Variants in IKZF3 observed in about 807,000 individuals in gnomAD.
IKZF3 encodes the protein zinc finger protein Aiolos.
A neutral mutation model predicts 49.0 loss-of-function variants in IKZF3; 10 were observed. That is an observed-to-expected ratio of 0.20 (90% CI 0.13 to 0.35). The LOEUF is 0.35. IKZF3 is among the 10% of genes least tolerant of loss of function. IKZF3 has a pLI of 1.00. For synonymous variants in IKZF3, 209 were observed against 228.2 expected, an observed-to-expected ratio of 0.92 and a Z score of 0.76; for missense variants, 498 against 664.8, an observed-to-expected ratio of 0.75 and a Z score of 2.76.
At chr17:39,825,475 C>A (rs559020935) in intron 3 of IKZF3, among the ~76,000 whole-genome samples, 1 of 152,236 alleles carries the variant, frequency 6.6e-6, no homozygotes, top group Admixed American at 6.5e-5. Flanking sequence ...CAAGGCAGGG[C>A]TGGGTAAACA....
At position 39,829,374 on chromosome 17, in the gene IKZF3, C is replaced by T. The variant is rs915176255; in HGVS notation, c.163+13G>A. 1.3e-6 allele frequency: 2 copies of T among 1,586,468 alleles called. No individual in the cohort carries two copies. The highest frequency in any genetic ancestry group is 8.7e-7 in the Non-Finnish European group (1 of 1,154,928). On this transcript the variant is annotated intron_variant, in intron 3 of 7. Coordinates refer to ENST00000346872, the MANE Select transcript of IKZF3 (RefSeq NM_012481.5). ...TACAGGCATCAGTGTTTAGTCTGCA[C>T]ACTACGGCTCACCTCCTATGTCTTC...
chr17:39,762,872 GC>G lies in IKZF3; in HGVS notation c.*2917del, dbSNP rs1471416091. On this transcript the variant is annotated 3_prime_UTR_variant, in exon 8 of 8. Coordinates refer to ENST00000346872, the MANE Select transcript of IKZF3 (RefSeq NM_012481.5). ...ACTGCACTCCAGCCTGGGCAACAGA[GC>G]GAGAGACTGTCTCAAAACAAAAGAA... is the stretch of plus-strand genomic sequence containing the variant. The G allele has an allele frequency of 6.6e-6, 1 of 152,306 alleles. No homozygotes were observed. Among genetic ancestry groups the G allele is most frequent in the East Asian group, 1.9e-4 (1 of 5,198 alleles). The allele number at this position is 152,306 out of a possible 1,614,324, so 9.4% of individuals were successfully genotyped here.
At chr17:39,818,044 C>T (rs2061716879) in intron 3 of IKZF3, among the ~76,000 whole-genome samples, 1 of 152,164 alleles carries the variant, frequency 6.6e-6, no homozygotes, top group African/African-American at 2.4e-5. Context: ...TGGCCTACTA[C>T]AAACCTCGGG....
At chr17:39,832,647 A>C (rs564812931) in intron 1 of IKZF3, among the ~76,000 whole-genome samples, 135 of 152,140 alleles carry the variant, frequency 8.9e-4, no homozygotes, top group African/African-American at 3.1e-3. Flanking sequence ...GACAAATATC[A>C]CATGTTCTCA....
At chr17:39,783,988 T>G (rs138147029) in intron 6 of IKZF3, among the ~76,000 whole-genome samples, 1 of 152,226 alleles carries the variant, frequency 6.6e-6, no homozygotes, top group East Asian at 1.9e-4. Flanking sequence ...ACTTAAAAAT[T>G]TTTAAACATT....
At chr17:39,862,726 A>G (rs1328188959) in intron 1 of IKZF3, among the ~76,000 whole-genome samples, 2 of 152,140 alleles carry the variant, frequency 1.3e-5, no homozygotes, top group Non-Finnish European at 2.9e-5. Flanking sequence ...TTCTCTTTCC[A>G]TTTATAGTCT....
At chr17:39,774,903 C>T (rs1409112779) in intron 7 of IKZF3, among the ~76,000 whole-genome samples, 3 of 152,184 alleles carry the variant, frequency 2.0e-5, no homozygotes, top group Non-Finnish European at 2.9e-5. Context: ...ATCTGTATAG[C>T]CTTGAGAAAA....
intron 1 of IKZF3, among the ~76,000 whole-genome samples, chr17:39,861,340 T>G (rs2063209380): frequency 6.6e-6 from 1 of 152,034 alleles, no homozygotes; most frequent in African/African-American, 2.4e-5. Flanking sequence ...GAGGAGGTCA[T>G]CAGAAGAAGG....
At chr17:39,816,412 G>A (rs1276316719) in intron 3 of IKZF3, among the ~76,000 whole-genome samples, 10 of 152,124 alleles carry the variant, frequency 6.6e-5, no homozygotes, top group Non-Finnish European at 7.3e-5. Context: ...AGGAGTAAGG[G>A]AATTATGGCC....
chr17:39,830,850 G>C (rs867602623), intron 2 of IKZF3, among the ~76,000 whole-genome samples: 2 of 152,156 alleles, frequency 1.3e-5, no homozygotes, highest in East Asian at 3.8e-4. Context: ...AAACACACGC[G>C]GGAGCGAAAG....
At chr17:39,863,906 G>A (rs185870642) in intron 1 of IKZF3, among the ~76,000 whole-genome samples, 1 of 152,196 alleles carries the variant, frequency 6.6e-6, no homozygotes, top group Non-Finnish European at 1.5e-5. Flanking sequence ...AAATAAAATT[G>A]CGAAGAAGTT....
intron 6 of IKZF3, among the ~76,000 whole-genome samples, chr17:39,782,393 AAAC>A (rs552558091): frequency 4.6e-5 from 7 of 151,346 alleles, no homozygotes; most frequent in East Asian, 3.9e-4. Flanking sequence ...CCCTGTCTCT[AAAC>A]AACAACAACA....
intron 6 of IKZF3, among the ~76,000 whole-genome samples, chr17:39,787,351 T>C (rs1375570361): frequency 6.6e-6 from 1 of 152,230 alleles, no homozygotes; most frequent in East Asian, 1.9e-4. Context: ...CCAGTAGGCA[T>C]CTAATTCAAA....
chr17:39,837,373 C>T (rs2062322387), intron 1 of IKZF3, among the ~76,000 whole-genome samples: 1 of 151,592 alleles, frequency 6.6e-6, no homozygotes, highest in South Asian at 2.1e-4. Flanking sequence ...AATGTCTTTA[C>T]TTTGTCTTCA....
chr17:39,816,064 G>C (rs2061671615), intron 3 of IKZF3, among the ~76,000 whole-genome samples: 1 of 152,128 alleles, frequency 6.6e-6, no homozygotes, highest in African/African-American at 2.4e-5. Context: ...AGTATAAAAA[G>C]GCCTCCTGGA....
At chr17:39,827,624 C>T (rs1014858880) in intron 3 of IKZF3, among the ~76,000 whole-genome samples, 8 of 151,996 alleles carry the variant, frequency 5.3e-5, no homozygotes, top group African/African-American at 1.5e-4. Context: ...TTGTTTTTGA[C>T]GGGGATAAAC....
chr17:39,847,171 G>T (rs1179942594), intron 1 of IKZF3, among the ~76,000 whole-genome samples: 1 of 152,124 alleles, frequency 6.6e-6, no homozygotes, highest in Non-Finnish European at 1.5e-5. Context: ...GCAGAGAAGC[G>T]TTCGCTGTCA....
chr17:39,768,282 TA>T (rs900432513), intron 7 of IKZF3, among the ~76,000 whole-genome samples: 6 of 152,194 alleles, frequency 3.9e-5, no homozygotes, highest in Non-Finnish European at 5.9e-5. Context: ...TTGGAAAATC[TA>T]AATTTTGAGA....
At chr17:39,806,425 A>C (rs573979861) in intron 3 of IKZF3, among the ~76,000 whole-genome samples, 33 of 152,254 alleles carry the variant, frequency 2.2e-4, no homozygotes, top group Non-Finnish European at 4.3e-4. Context: ...TAAAACGCAC[A>C]AAAGATGTGA....
Sources: gnomAD v4.1 joint callset for allele counts (sites outside exome capture counted in the v4.1 genomes callset) on GRCh38, gnomAD v4.1.1 for gene constraint, MANE v1.5 for transcripts, NCBI Gene and HGNC (gene_info 2026-07-23, HGNC 2026-07-21) for gene names.